Variants in YWHAQ observed in about 807,000 individuals in gnomAD.
The protein encoded by YWHAQ is tyrosine 3-monooxygenase/tryptophan 5-monooxygenase activation protein theta.
A neutral mutation model predicts 28.3 loss-of-function variants in YWHAQ; 6 were observed. That is an observed-to-expected ratio of 0.21 (90% CI 0.12 to 0.42). YWHAQ has a LOEUF of 0.42. Among genes scored for constraint, YWHAQ ranks in the 10% least tolerant of loss-of-function variants. The probability of loss-of-function intolerance (pLI) is 1.00; values close to 1 mark genes in which losing one functional copy is unlikely to be tolerated. For synonymous variants in YWHAQ, 143 were observed against 119.1 expected, an observed-to-expected ratio of 1.20 and a Z score of -1.31; for missense variants, 201 against 305.6, an observed-to-expected ratio of 0.66 and a Z score of 2.55.
intron 2 of YWHAQ, among the ~76,000 whole-genome samples, chr2:9,627,059 T>TA (rs1667260577): frequency 6.6e-6 from 1 of 152,240 alleles, no homozygotes; most frequent in African/African-American, 2.4e-5. Flanking sequence ...CCCCTCATCT[T>TA]AGAGAGTTTG....
In YWHAQ at chr2:9,597,152, A is replaced by C. The variant is rs16867066; in HGVS notation, c.295-5637T>G. ...ATGATCTAAAGGTCTCTGGTCTCAG[A>C]AACTACCATTTTATGACTATACCTG... is the stretch of plus-strand genomic sequence containing the variant. On this transcript the variant is annotated intron_variant, in intron 2 of 5. Transcript: ENST00000238081. Among the ~76,000 whole-genome samples the C allele has an allele frequency of 5.6e-3, 850 of 152,346 alleles. 4 individuals are homozygous for C. Among genetic ancestry groups the C allele is most frequent in the African/African-American group, 0.02 (812 of 41,570 alleles).
intron 3 of YWHAQ, among the ~76,000 whole-genome samples, chr2:9,589,546 G>A (rs949422582): frequency 1.3e-5 from 2 of 152,112 alleles, no homozygotes; most frequent in African/African-American, 4.8e-5. Context: ...TCGCGCCATT[G>A]CACTTCAACC....
At chr2:9,614,802 T>C (rs1438412764) in intron 2 of YWHAQ, among the ~76,000 whole-genome samples, 2 of 152,196 alleles carry the variant, frequency 1.3e-5, no homozygotes, top group Non-Finnish European at 2.9e-5. Context: ...AACTAACACA[T>C]GCCATATACA....
At chr2:9,602,554 G>GT (rs1300621676) in intron 2 of YWHAQ, among the ~76,000 whole-genome samples, 2 of 151,234 alleles carry the variant, frequency 1.3e-5, no homozygotes, top group Non-Finnish European at 2.9e-5. Flanking sequence ...AGGAGTACAG[G>GT]TGAGTCCCAC....
chr2:9,598,061 C>T (rs1227406690), intron 2 of YWHAQ, among the ~76,000 whole-genome samples: 3 of 146,270 alleles, frequency 2.1e-5, no homozygotes, highest in East Asian at 2.0e-4. Flanking sequence ...CTCAAACTCC[C>T]GACTTCAGGT....
intron 2 of YWHAQ, among the ~76,000 whole-genome samples, chr2:9,610,465 C>G (rs1202428872): frequency 6.6e-6 from 1 of 152,170 alleles, no homozygotes; most frequent in African/African-American, 2.4e-5. Context: ...ATACCAAGTG[C>G]CTCCGACATA....
Position 9,630,704 on chromosome 2 carries a change from AG to A in YWHAQ, c.-82-171del, listed in dbSNP as rs1667356898. ...CGGGGAGGCCGCGGCCCGCGGCTGG[AG>A]GAGGCGGGGGCGGCGCGGAGGCCCC... On this transcript the variant is annotated intron_variant, in intron 1 of 5. Transcript: ENST00000238081. This position sits in a 1 kb window ranked among gnomAD's most constrained non-coding sequence, Gnocchi z 5.6. The A allele has an allele frequency of 4.5e-6, 1 of 223,864 alleles. No individual in the cohort carries two copies. Among genetic ancestry groups the A allele is most frequent in the African/African-American group, 2.3e-5 (1 of 42,960 alleles). The allele number at this position is 223,864 out of a possible 1,614,324, so 13.9% of individuals were successfully genotyped here.
rs189807009 is a variant in YWHAQ at position 9,627,643 on chromosome 2, G to A, written c.294+2516C>T. Among the ~76,000 whole-genome samples the A allele has an allele frequency of 6.6e-4, 101 of 152,198 alleles. No individual in the cohort carries two copies. The Middle Eastern group carries it at 0.01, about 15-fold the overall frequency. ...CCAGAAGTTCAAGACCAGCCTGGGT[G>A]TAACAAGATCCCATCTCTACAATAA... On this transcript the variant is annotated intron_variant, in intron 2 of 5. Transcript: ENST00000238081.
chr2:9,597,983 CTAT>C (rs1666610474), intron 2 of YWHAQ, among the ~76,000 whole-genome samples: 1 of 79,090 alleles, frequency 1.3e-5, no homozygotes, highest in Non-Finnish European at 2.3e-5. Context: ...CCATGCCGGG[CTAT>C]TTTTTTTTTT....
intron 5 of YWHAQ, among the ~76,000 whole-genome samples, chr2:9,586,133 A>T (rs1405635867): frequency 6.6e-6 from 1 of 152,214 alleles, no homozygotes; most frequent in African/African-American, 2.4e-5. Flanking sequence ...TAGGAAAAGC[A>T]GACTTACTTT....
intron 2 of YWHAQ, among the ~76,000 whole-genome samples, chr2:9,629,265 C>A (rs930690620): frequency 6.6e-6 from 1 of 152,146 alleles, no homozygotes; most frequent in Non-Finnish European, 1.5e-5. Context: ...ATAGAAATGA[C>A]TCTTGGCAGC....
chr2:9,613,846 T>G (rs1666996892), intron 2 of YWHAQ, among the ~76,000 whole-genome samples: 1 of 152,222 alleles, frequency 6.6e-6, no homozygotes, highest in African/African-American at 2.4e-5. Context: ...GGAAAAATGT[T>G]CACCCTGTCT....
chr2:9,598,567 T>G (rs1666624743), intron 2 of YWHAQ, among the ~76,000 whole-genome samples: 1 of 152,240 alleles, frequency 6.6e-6, no homozygotes, highest in African/African-American at 2.4e-5. Context: ...TGTGGCACAT[T>G]TTGGTAATTC....
intron 2 of YWHAQ, among the ~76,000 whole-genome samples, chr2:9,623,317 C>T (rs1238190892): frequency 1.3e-5 from 2 of 152,246 alleles, no homozygotes; most frequent in Admixed American, 1.3e-4. Context: ...AGTGTATACA[C>T]ATACCTTTTC....
chr2:9,596,728 G>T (rs1666578458), intron 2 of YWHAQ, among the ~76,000 whole-genome samples: 1 of 151,502 alleles, frequency 6.6e-6, no homozygotes, highest in African/African-American at 2.4e-5. Context: ...TTGAGACCGA[G>T]TCTCACTCTG....
chr2:9,603,794 G>A (rs565267143), intron 2 of YWHAQ, among the ~76,000 whole-genome samples: 5 of 151,898 alleles, frequency 3.3e-5, no homozygotes, highest in African/African-American at 1.2e-4. Flanking sequence ...GCGTGGTGGT[G>A]TACACCTGTA....
intron 2 of YWHAQ, among the ~76,000 whole-genome samples, chr2:9,628,032 C>T (rs527791984): frequency 3.8e-4 from 58 of 152,286 alleles, no homozygotes; most frequent in Admixed American, 7.2e-4. Context: ...CACATGCTCT[C>T]TAAATTATAA....
rs75672733 is a variant in YWHAQ, at chr2:9,614,341, A to C, written c.294+15818T>G. On this transcript the variant is annotated intron_variant, in intron 2 of 5. Transcript: ENST00000238081. ...CAAATAAACGCCAAAGTCTATACAC[A>C]CTTTCTTCCCCTTAGAGAATTTACA... Among the ~76,000 whole-genome samples, 57 of 152,330 alleles carry C rather than the reference A, an allele frequency of 3.7e-4. No individual in the cohort carries two copies. In the East Asian group the frequency reaches 8.5e-3, roughly 23 times the overall value.
chr2:9,612,540 A>G (rs566371798), intron 2 of YWHAQ, among the ~76,000 whole-genome samples: 3 of 152,208 alleles, frequency 2.0e-5, no homozygotes, highest in Non-Finnish European at 2.9e-5. Context: ...ACACAAAAGG[A>G]GTTGGGAAGC....
Sources: allele counts gnomAD v4.1 joint callset (sites outside exome capture counted in the v4.1 genomes callset), GRCh38; gene constraint gnomAD v4.1.1; non-coding constraint Gnocchi (gnomAD v3.1); transcripts MANE v1.5; gene names NCBI Gene and HGNC (gene_info 2026-07-23, HGNC 2026-07-21).